Variants in MPP2 observed in about 807,000 individuals in gnomAD.
The protein encoded by MPP2 is MAGUK p55 subfamily member 2.
Under a neutral mutation model 58.5 loss-of-function variants are expected in MPP2, and 42 were observed. That is an observed-to-expected ratio of 0.72 (90% confidence interval 0.56 to 0.93). MPP2 has a LOEUF of 0.93. Ranked by LOEUF, MPP2 falls within the 40% of genes least tolerant of loss-of-function variation. The pLI is 0.00. For synonymous variants in MPP2, 300 were observed against 307.8 expected (o/e 0.97, Z 0.26); for missense variants, 632 against 760.4 (o/e 0.83, Z 1.99).
In MPP2 at chr17:43,882,841, A is replaced by G. The variant is rs950208083; in HGVS notation, c.453+62T>C. On this transcript the variant is annotated intron_variant, in intron 5 of 12. Transcript: ENST00000269095. ...CACACTTGGCCTTTTTTGTCCGTTCATTGGTTATTCTCAATCCCCCCACCC... is the reference window on the plus strand; with the variant it reads ...CACACTTGGCCTTTTTTGTCCGTTCGTTGGTTATTCTCAATCCCCCCACCC... 2.4e-5 allele frequency: 38 copies of G among 1,603,306 alleles called. 1 individual carries two copies. Among genetic ancestry groups the G allele is most frequent in the South Asian group, 1.5e-4 (14 of 90,370 alleles).
chr17:43,879,632 G>A lies in MPP2; in HGVS notation c.1353+150C>T. On this transcript the variant is annotated intron_variant, in intron 11 of 12. Coordinates refer to ENST00000269095, the MANE Select transcript of MPP2 (RefSeq NM_005374.5). The surrounding 1 kb of genome is among the most constrained non-coding windows in gnomAD (Gnocchi z 4.1). ...GTGGGGACTCTGGAAGGCTGAGAAA[G>A]GTTCCAGGTGGGCTGGGTTTCTAGC... is the stretch of plus-strand genomic sequence containing the variant. 9.8e-7 allele frequency: 1 copy of A among 1,017,050 alleles called. No individual in the cohort carries two copies. Among genetic ancestry groups the A allele is most frequent in the Non-Finnish European group, 1.4e-6 (1 of 694,386 alleles). The allele number at this position is 1,017,050 out of a possible 1,614,324, so 63.0% of individuals were successfully genotyped here.
intron 3 of MPP2, among the ~76,000 whole-genome samples, chr17:43,889,817 GT>G (rs869141658): frequency 9.4e-4 from 18 of 19,140 alleles, no homozygotes; most frequent in South Asian, 8.9e-3. Flanking sequence ...TTTTTTTTTT[GT>G]TTTTTTTTTT....
chr17:43,879,407 CAGA>C lies in MPP2; in HGVS notation c.1354-7_1354-5del, dbSNP rs1373992827. 2.5e-6 allele frequency: 4 copies of C among 1,613,986 alleles called. No individual in the cohort carries two copies. The Admixed American group carries it at 5.0e-5, about 20-fold the overall frequency. On this transcript the variant is annotated splice_polypyrimidine_tract_variant and splice_region_variant and intron_variant, in intron 11 of 12. Transcript: ENST00000269095. This position sits in a 1 kb window ranked among gnomAD's most constrained non-coding sequence, Gnocchi z 4.1. ...CCGTTCGTAGCACCTTCACCGCCTG[CAGA>C]AGGAGAAGGCAAGGTAGGGAGTATA... is the stretch of plus-strand genomic sequence containing the variant.
At chr17:43,893,413 G>T (rs1254099227) in intron 3 of MPP2, among the ~76,000 whole-genome samples, 2 of 152,216 alleles carry the variant, frequency 1.3e-5, no homozygotes, top group Admixed American at 6.5e-5. Context: ...GTTCACTGCA[G>T]CACTGTTTTT....
At chr17:43,896,528 T>C (rs2047854421) in intron 3 of MPP2, among the ~76,000 whole-genome samples, 1 of 151,996 alleles carries the variant, frequency 6.6e-6, no homozygotes, top group African/African-American at 2.4e-5. Context: ...ATTTTCTCCC[T>C]GTTCTGCCTC....
chr17:43,908,359 C>T (rs2048366159), upstream of MPP2, among the ~76,000 whole-genome samples: 1 of 152,252 alleles, frequency 6.6e-6, no homozygotes, highest in South Asian at 2.1e-4. Context: ...CCTCGGCGTT[C>T]AGCCACCCCG....
intron 3 of MPP2, 107 bp from the exon 4 acceptor site, chr17:43,883,462 C>A (rs1266366393): frequency 1.6e-6 from 2 of 1,270,442 alleles, no homozygotes; most frequent in South Asian, 1.5e-5. Context: ...TCCCACCCCC[C>A]AGCCCCCAGC....
intron 3 of MPP2, among the ~76,000 whole-genome samples, chr17:43,888,180 T>C (rs758076047): frequency 6.6e-6 from 1 of 152,190 alleles, no homozygotes; most frequent in African/African-American, 2.4e-5. Flanking sequence ...CAATAAAGGT[T>C]AGATGCTTTC....
intron 3 of MPP2, among the ~76,000 whole-genome samples, chr17:43,896,425 C>T (rs536080295): frequency 1.3e-3 from 201 of 152,250 alleles, no homozygotes; most frequent in African/African-American, 4.5e-3. Context: ...ACCTCCCTTC[C>T]TCTGACCTTG....
intron 2 of MPP2, among the ~76,000 whole-genome samples, chr17:43,899,724 G>C (rs918752175): frequency 3.3e-5 from 5 of 152,062 alleles, no homozygotes; most frequent in African/African-American, 1.2e-4. Context: ...CAAACTCTCA[G>C]CCCGAAATGG....
intron 3 of MPP2, among the ~76,000 whole-genome samples, chr17:43,895,587 G>C (rs1363124024): frequency 1.3e-5 from 2 of 152,158 alleles, no homozygotes; most frequent in Non-Finnish European, 1.5e-5. Context: ...AGGCTCTGGG[G>C]ATACTGCAGT....
chr17:43,877,922 T>A lies in MPP2; in HGVS notation c.1544A>T (p.Tyr515Phe), dbSNP rs1384758816. Residue 515 changes from tyrosine (Y) to phenylalanine (F), a missense_variant, in exon 13 of 13, where the codon TAC (tyrosine) becomes TTC (phenylalanine). Transcript: ENST00000269095. ...SSRIQRGYGH[Y>F]FDLCLVNSNL... is the part of the protein sequence containing the mutation. ...GCTATTGACCAGGCAGAGGTCAAAGTAGTGCCCGTAGCCCCGCTGGATGCG... is the reference window on the plus strand; with the variant it reads ...GCTATTGACCAGGCAGAGGTCAAAGAAGTGCCCGTAGCCCCGCTGGATGCG... 1.2e-6 allele frequency: 2 copies of A among 1,613,906 alleles called. No homozygotes were observed. The highest frequency in any genetic ancestry group is 1.7e-6 in the Non-Finnish European group (2 of 1,179,948).
At chr17:43,881,660 G>A (rs1350964565) in intron 6 of MPP2, 71 bp from the exon 7 acceptor site, 4 of 1,552,138 alleles carry the variant, frequency 2.6e-6, no homozygotes, top group Middle Eastern at 2.1e-4. Flanking sequence ...TCTACCCCAT[G>A]CCCCCTCTTT....
Position 43,889,195 on chromosome 17 carries a change from G to C in MPP2, c.151-5840C>G, listed in dbSNP as rs146019282. 1.0e-2 allele frequency among the ~76,000 whole-genome samples: 1,517 copies of C among 152,100 alleles called. 27 individuals carry two copies. The highest frequency in any genetic ancestry group is 0.035 in the African/African-American group (1,449 of 41,468). On this transcript the variant is annotated intron_variant, in intron 3 of 12. Transcript: ENST00000269095. Reference sequence around the variant, plus strand: ...CCTGCCTCGGCCTCCCAAAGTGCTGGAATTACAGGCGTGAGCCACCACACC... The same window carrying C: ...CCTGCCTCGGCCTCCCAAAGTGCTGCAATTACAGGCGTGAGCCACCACACC...
chr17:43,879,140 C>T lies in MPP2; in HGVS notation c.1482+135G>A, dbSNP rs141753749. On this transcript the variant is annotated intron_variant, in intron 12 of 12. Transcript: ENST00000269095. The surrounding 1 kb of genome is among the most constrained non-coding windows in gnomAD (Gnocchi z 4.1). ...TTCCACATCTATGCAGGGGGGACCACGTCCTGCCTCACTGATAACTGGAGC... is the reference window on the plus strand; with the variant it reads ...TTCCACATCTATGCAGGGGGGACCATGTCCTGCCTCACTGATAACTGGAGC... The T allele has an allele frequency of 2.7e-6, 3 of 1,124,622 alleles. No homozygotes were observed. Among genetic ancestry groups the T allele is most frequent in the African/African-American group, 3.1e-5 (2 of 64,554 alleles). 69.7% of individuals were successfully genotyped at this position (1,124,622 alleles called of 1,614,324 possible).
At position 43,883,215 on chromosome 17, in the gene MPP2, CTCCTGGAGGATG is replaced by C. The variant is rs1229373605; in HGVS notation, c.279_290del (p.His93_Glu97delinsGln). On this transcript the variant is annotated inframe_deletion, in exon 4 of 13. Transcript: ENST00000269095. Reference sequence around the variant, plus strand: ...AGCAGCCAGGAACCTGGAAGTGGGGCTCCTGGAGGATGTGGGCCAGCTCGGCGGCTGTGCTGC... The same window carrying C: ...AGCAGCCAGGAACCTGGAAGTGGGGCTGGGCCAGCTCGGCGGCTGTGCTGC... The C allele has an allele frequency of 3.7e-6, 6 of 1,605,924 alleles. No homozygotes were observed. The Admixed American group carries it at 1.0e-4, about 27-fold the overall frequency.
intron 3 of MPP2, among the ~76,000 whole-genome samples, chr17:43,894,124 A>T (rs1404060952): frequency 2.0e-5 from 3 of 151,214 alleles, no homozygotes; most frequent in South Asian, 2.1e-4. Context: ...AAAAAAAAAA[A>T]AAATACAAAA....
In MPP2 at chr17:43,882,942, C is replaced by T. The variant is rs1597765397; in HGVS notation, c.414G>A (p.Val138=). ...CTGTCTTGCGGATGCCCACCATGCGCACAGCATCGGGAGGTACAGGCTGGT... is the reference window on the plus strand; with the variant it reads ...CTGTCTTGCGGATGCCCACCATGCGTACAGCATCGGGAGGTACAGGCTGGT... ...FSNQPVPPDA[V]RMVGIRKTAG... Residue 138 remains valine, a synonymous_variant, in exon 5 of 13, where the codon GTG becomes GTA. Coordinates refer to ENST00000269095, the MANE Select transcript of MPP2 (RefSeq NM_005374.5). The T allele has an allele frequency of 1.2e-6, 2 of 1,614,190 alleles. No homozygotes were observed. Among genetic ancestry groups the T allele is most frequent in the Non-Finnish European group, 1.7e-6 (2 of 1,180,040 alleles).
chr17:43,888,446 G>A (rs879779028), intron 3 of MPP2, among the ~76,000 whole-genome samples: 9 of 152,170 alleles, frequency 5.9e-5, no homozygotes, highest in African/African-American at 1.7e-4. Flanking sequence ...TGAGGGAGGC[G>A]TCCCAGCTCT....
Sources: gnomAD v4.1 joint callset for allele counts (sites outside exome capture counted in the v4.1 genomes callset) on GRCh38, gnomAD v4.1.1 for gene constraint, Gnocchi (gnomAD v3.1) non-coding constraint, MANE v1.5 for transcripts, NCBI Gene and HGNC (gene_info 2026-07-23, HGNC 2026-07-21) for gene names.